The following FGF12 variants were observed in gnomAD, a reference collection of about 807,000 sequenced individuals.
The protein encoded by FGF12 is fibroblast growth factor 12, also known as fibroblast growth factor 12B.
FGF12 carries 14 observed loss-of-function variants against 23.6 expected under a neutral mutation model. The ratio of observed to expected loss-of-function variants is 0.59; its 90% CI spans 0.39 to 0.93. FGF12 has a LOEUF of 0.93. Among genes scored for constraint, FGF12 ranks in the 40% least tolerant of loss-of-function variants. The probability of loss-of-function intolerance (pLI) is 0.00; values close to 1 mark genes in which losing one functional copy is unlikely to be tolerated. For missense variants in FGF12, 175 were observed against 217.8 expected (o/e 0.80, Z 1.24); for synonymous variants, 62 against 77.3 (o/e 0.80, Z 1.04).
chr3:192,392,632 GAGGAA>G (rs1720355002), intron 2 of FGF12, among the ~76,000 whole-genome samples: 1 of 104,254 alleles, frequency 9.6e-6, no homozygotes. Context: ...GAGAGAGAGA[GAGGAA>G]GGGAGGGAGG....
At position 192,652,220 on chromosome 3, in the gene FGF12, T is replaced by C. The variant is rs140736843; in HGVS notation, c.13+74961A>G. On this transcript the variant is annotated intron_variant, in intron 2 of 5. Transcript: ENST00000445105. Reference sequence around the variant, plus strand: ...ATAAGCAAGGAACTATGGGAACCCATTGAACAATTCATCATGTTCATGAGA... The same window carrying C: ...ATAAGCAAGGAACTATGGGAACCCACTGAACAATTCATCATGTTCATGAGA... Among the ~76,000 whole-genome samples, 15 of 152,298 alleles carry C rather than the reference T, an allele frequency of 9.8e-5. No homozygotes were observed. In the East Asian group the frequency reaches 2.7e-3, roughly 27 times the overall value.
intron 2 of FGF12, among the ~76,000 whole-genome samples, chr3:192,648,301 A>T (rs1716087475): frequency 6.6e-6 from 1 of 152,122 alleles, no homozygotes; most frequent in Admixed American, 6.6e-5. Context: ...CCAGATAATA[A>T]TGTATCCTAG....
chr3:192,426,732 T>C (rs1721698496), intron 2 of FGF12, among the ~76,000 whole-genome samples: 1 of 152,238 alleles, frequency 6.6e-6, no homozygotes, highest in East Asian at 1.9e-4. Context: ...CATTTACTTT[T>C]ATCCTTAGCT....
At chr3:192,499,048 A>T (rs1724042410) in intron 2 of FGF12, among the ~76,000 whole-genome samples, 1 of 152,192 alleles carries the variant, frequency 6.6e-6, no homozygotes, top group Non-Finnish European at 1.5e-5. Flanking sequence ...AGGTGATATA[A>T]AATGAAGCTT....
chr3:192,639,020 A>C (rs539403105), intron 2 of FGF12, among the ~76,000 whole-genome samples: 23 of 152,362 alleles, frequency 1.5e-4, no homozygotes, highest in African/African-American at 5.5e-4. Context: ...GAAACCTATG[A>C]ATTGGGAAAA....
chr3:192,429,727 G>C (rs1279166712), intron 2 of FGF12, among the ~76,000 whole-genome samples: 2 of 152,076 alleles, frequency 1.3e-5, no homozygotes, highest in African/African-American at 2.4e-5. Context: ...TGTTTATCTT[G>C]GCAAATGAGG....
chr3:192,594,610 A>G lies in FGF12; in HGVS notation c.13+132571T>C, dbSNP rs571110085. ...TTTGGAGATGAGGCCTTTGTGAGATAATTAGGATCAGATAAGGTCTGATCC... is the reference window on the plus strand; with the variant it reads ...TTTGGAGATGAGGCCTTTGTGAGATGATTAGGATCAGATAAGGTCTGATCC... On this transcript the variant is annotated intron_variant, in intron 2 of 5. Coordinates refer to ENST00000445105, the MANE Select transcript of FGF12 (RefSeq NM_004113.6). 8.6e-4 allele frequency among the ~76,000 whole-genome samples: 131 copies of G among 151,904 alleles called. 1 individual carries two copies. The highest frequency in any genetic ancestry group is 3.0e-3 in the African/African-American group (124 of 41,508).
intron 5 of FGF12, among the ~76,000 whole-genome samples, chr3:192,155,656 T>C (rs374104037): frequency 4.6e-5 from 7 of 152,350 alleles, no homozygotes; most frequent in African/African-American, 1.7e-4. Flanking sequence ...GGGAATCACA[T>C]GTACTTTATA....
chr3:192,605,370 A>G (rs1714295160), intron 2 of FGF12, among the ~76,000 whole-genome samples: 1 of 128,192 alleles, frequency 7.8e-6, no homozygotes, highest in African/African-American at 2.9e-5. Flanking sequence ...AAAGAGGGAG[A>G]CTCCGTCTCA....
chr3:192,471,343 TTCTCTCCTATA>T (rs1723168326), intron 2 of FGF12, among the ~76,000 whole-genome samples: 1 of 152,208 alleles, frequency 6.6e-6, no homozygotes, highest in Non-Finnish European at 1.5e-5. Flanking sequence ...TTTTTAACAT[TTCTCTCCTATA>T]TGCAACAAAA....
chr3:192,633,489 C>A (rs1025213817), intron 2 of FGF12, among the ~76,000 whole-genome samples: 1 of 152,048 alleles, frequency 6.6e-6, no homozygotes, highest in Non-Finnish European at 1.5e-5. Flanking sequence ...TTCATCACTA[C>A]GGAAGAGTTA....
At chr3:192,357,609 G>A (rs1049730861) in intron 3 of FGF12, among the ~76,000 whole-genome samples, 1 of 151,742 alleles carries the variant, frequency 6.6e-6, no homozygotes, top group African/African-American at 2.4e-5. Flanking sequence ...ACATATTGAC[G>A]GAGACGTTCA....
chr3:192,478,990 T>C (rs1560123677), intron 2 of FGF12, among the ~76,000 whole-genome samples: 1 of 152,212 alleles, frequency 6.6e-6, no homozygotes. Context: ...AAATCTCCGG[T>C]TGTACATATT....
chr3:192,203,557 T>C (rs1717486867), intron 4 of FGF12, among the ~76,000 whole-genome samples: 1 of 149,600 alleles, frequency 6.7e-6, no homozygotes, highest in African/African-American at 2.5e-5. Context: ...TTACACTCTT[T>C]TTTCTTTACT....
At chr3:192,579,473 T>G (rs984825928) in intron 2 of FGF12, among the ~76,000 whole-genome samples, 5 of 152,194 alleles carry the variant, frequency 3.3e-5, no homozygotes, top group African/African-American at 1.2e-4. Context: ...ACTTCCTGTA[T>G]CTCCATGAAA....
intron 2 of FGF12, among the ~76,000 whole-genome samples, chr3:192,584,585 C>A (rs1011146801): frequency 6.6e-6 from 1 of 152,052 alleles, no homozygotes; most frequent in Non-Finnish European, 1.5e-5. Flanking sequence ...AGTTGCATAC[C>A]AGAATGTCAG....
At chr3:192,455,658 A>G (rs1178907747) in intron 2 of FGF12, among the ~76,000 whole-genome samples, 1 of 152,234 alleles carries the variant, frequency 6.6e-6, no homozygotes, top group Admixed American at 6.5e-5. Context: ...TTTTTATAAC[A>G]TTATCAATAA....
intron 2 of FGF12, among the ~76,000 whole-genome samples, chr3:192,402,240 G>A (rs1484408917): frequency 2.0e-5 from 3 of 152,216 alleles, no homozygotes; most frequent in Non-Finnish European, 4.4e-5. Context: ...CTGGCCCTCT[G>A]GGCCCAAGTC....
chr3:192,372,539 A>T (rs1719283997), intron 2 of FGF12, among the ~76,000 whole-genome samples: 1 of 152,164 alleles, frequency 6.6e-6, no homozygotes, highest in Non-Finnish European at 1.5e-5. Flanking sequence ...TGGTAAATTC[A>T]GGCACCGTGG....
Sources: allele counts gnomAD v4.1 joint callset (sites outside exome capture counted in the v4.1 genomes callset), GRCh38; gene constraint gnomAD v4.1.1; transcripts MANE v1.5; gene names NCBI Gene and HGNC (gene_info 2026-07-23, HGNC 2026-07-21).